BARD1: variants seen among roughly 807,000 people sequenced by gnomAD.
BARD1 encodes BRCA1 associated RING domain 1.
Under a neutral mutation model 77.0 loss-of-function variants are expected in BARD1, and 73 were observed. The ratio of observed to expected loss-of-function variants is 0.95; its 90% CI spans 0.79 to 1.15. The LOEUF is 1.15. Ranked by LOEUF, BARD1 falls within the 50% of genes most tolerant of loss-of-function variation. The pLI is 0.00. For synonymous variants in BARD1, 384 were observed against 338.0 expected, an observed-to-expected ratio of 1.14 and a Z score of -1.49; for missense variants, 993 against 938.8, an observed-to-expected ratio of 1.06 and a Z score of -0.75.
At position 214,732,215 on chromosome 2, in the gene BARD1, A is replaced by G. The variant is rs543510456; in HGVS notation, c.1904-1707T>C. ...AGTAAATTGATTCCAACACAGGAGCAGAACCACTACTCGGCATGTAAACTG... is the reference window on the plus strand; with the variant it reads ...AGTAAATTGATTCCAACACAGGAGCGGAACCACTACTCGGCATGTAAACTG... On this transcript the variant is annotated intron_variant, in intron 9 of 10. Coordinates refer to ENST00000260947, the MANE Select transcript of BARD1 (RefSeq NM_000465.4). 5.9e-5 allele frequency among the ~76,000 whole-genome samples: 9 copies of G among 152,364 alleles called. No individual in the cohort carries two copies. The South Asian group carries it at 1.5e-3, about 25-fold the overall frequency.
At position 214,745,062 on chromosome 2, in the gene BARD1, C is replaced by T. The variant is rs2106018600; in HGVS notation, c.1903+5G>A. The T allele has an allele frequency of 6.2e-7, 1 of 1,612,010 alleles. No homozygotes were observed. Among genetic ancestry groups the T allele is most frequent in the Admixed American group, 1.7e-5 (1 of 60,020 alleles). On this transcript the variant is annotated splice_donor_5th_base_variant and intron_variant, in intron 9 of 10. Coordinates refer to ENST00000260947, the MANE Select transcript of BARD1 (RefSeq NM_000465.4). ...TTTCTTAATTCTCTCAAATCCAACA[C>T]TTACATTCAAATTTTAGAATCCAGC...
At position 214,767,486 on chromosome 2, in the gene BARD1, C is replaced by A. The variant is rs730881419; in HGVS notation, c.1564G>T (p.Ala522Ser). 1.2e-6 allele frequency: 2 copies of A among 1,613,224 alleles called. No individual in the cohort carries two copies. Among genetic ancestry groups the A allele is most frequent in the Admixed American group, 1.7e-5 (1 of 60,014 alleles). ...TTTTTACGTTGAACTACTTACACAG[C>A]ATTTCTGGAGGCTCCATAGGAAAGT... is the stretch of plus-strand genomic sequence containing the variant. ...LLLSYGASRN[A>S]VNIFGLRPVD... Residue 522 changes from alanine (A) to serine (S), a missense_variant, in exon 6 of 11, where the codon GCT becomes TCT. By Grantham distance (99) the Ala-to-Ser change is moderately conservative. Transcript: ENST00000260947.
At chr2:214,747,777 A>G (rs954411795) in intron 7 of BARD1, among the ~76,000 whole-genome samples, 3 of 151,508 alleles carry the variant, frequency 2.0e-5, no homozygotes, top group African/African-American at 7.3e-5. Flanking sequence ...TAATGGGTGC[A>G]GCACACCAAC....
intron 2 of BARD1, among the ~76,000 whole-genome samples, chr2:214,793,222 T>C (rs1345965406): frequency 6.6e-6 from 1 of 152,124 alleles, no homozygotes; most frequent in Non-Finnish European, 1.5e-5. Context: ...CAGGACCCAA[T>C]CCTCTGTAGG....
intron 10 of BARD1, 188 bp downstream of exon 10, chr2:214,730,223 T>C: frequency 3.3e-6 from 2 of 610,144 alleles, no homozygotes; most frequent in Non-Finnish European, 5.8e-6. Context: ...ATTAACAGTA[T>C]GAAATTATTA....
rs1692114669 is a variant in BARD1, at chr2:214,727,070, G to C, written c.*1606C>G. 1 of 212,706 alleles carries C rather than the reference G, an allele frequency of 4.7e-6. No individual in the cohort carries two copies. 13.2% of individuals were successfully genotyped at this position (212,706 alleles called of 1,614,324 possible). A position where few individuals can be genotyped will look rare whatever the true frequency, so the allele number is the denominator to read the frequency against. ...ATCTAACGCCTCGGATTTTTGTTTG[G>C]TGCTATGGTGTTCATTTTCTATCAG... On this transcript the variant is annotated 3_prime_UTR_variant, in exon 11 of 11. Coordinates refer to ENST00000260947, the MANE Select transcript of BARD1 (RefSeq NM_000465.4).
rs747656993 is a variant in BARD1, at chr2:214,735,468, C to A, written c.1904-4960G>T. On this transcript the variant is annotated intron_variant, in intron 9 of 10. Transcript: ENST00000260947. ...ACTGTGAGTATTGATTTGGGGATTA[C>A]AAGAAAAATTTTAGCAAGTAAGAAA... Among the ~76,000 whole-genome samples the A allele has an allele frequency of 3.9e-5, 6 of 152,044 alleles. No individual in the cohort carries two copies. In the South Asian group the frequency reaches 8.3e-4, roughly 21 times the overall value.
At chr2:214,760,034 G>T (rs1354429142) in intron 6 of BARD1, among the ~76,000 whole-genome samples, 1 of 152,062 alleles carries the variant, frequency 6.6e-6, no homozygotes, top group African/African-American at 2.4e-5. Flanking sequence ...CACATTCAAT[G>T]TCTAACTTAT....
At chr2:214,730,283 T>C (rs1473459367) in intron 10 of BARD1, 128 bp downstream of exon 10, 1 of 788,640 alleles carries the variant, frequency 1.3e-6, no homozygotes, top group East Asian at 2.7e-5. Context: ...ATCAAGTGCT[T>C]GAAATAAGCA....
chr2:214,803,377 C>A (rs1696117562), intron 1 of BARD1, among the ~76,000 whole-genome samples: 1 of 152,184 alleles, frequency 6.6e-6, no homozygotes, highest in East Asian at 1.9e-4. Context: ...AGGAAGGCAT[C>A]TGTCTCCTGC....
chr2:214,757,563 A>G (rs1693751901), intron 6 of BARD1, among the ~76,000 whole-genome samples: 2 of 152,214 alleles, frequency 1.3e-5, no homozygotes, highest in Non-Finnish European at 2.9e-5. Context: ...TATATATTGC[A>G]TATATCAGAA....
intron 7 of BARD1, 100 bp from the exon 8 acceptor site, chr2:214,745,954 T>A: frequency 7.6e-7 from 1 of 1,320,042 alleles, no homozygotes. Context: ...TTTCATTACT[T>A]AGTTTACTCT....
chr2:214,799,234 C>A (rs1695901404), intron 1 of BARD1, among the ~76,000 whole-genome samples: 1 of 151,956 alleles, frequency 6.6e-6, no homozygotes, highest in African/African-American at 2.4e-5. Context: ...CCAGGAGGCA[C>A]AGGTTGAGGT....
At chr2:214,760,279 G>A (rs887457790) in intron 6 of BARD1, among the ~76,000 whole-genome samples, 18 of 152,072 alleles carry the variant, frequency 1.2e-4, no homozygotes, top group African/African-American at 3.6e-4. Context: ...TGCAACCTCC[G>A]CTTCCCAGGT....
At position 214,809,435 on chromosome 2, in the gene BARD1, C is replaced by G; in HGVS notation, c.135G>C (p.Glu45Asp). 6.2e-7 allele frequency: 1 copy of G among 1,612,334 alleles called. No homozygotes were observed. Among genetic ancestry groups the G allele is most frequent in the Non-Finnish European group, 8.5e-7 (1 of 1,179,800 alleles). Residue 45 changes from glutamate (E) to aspartate (D), a missense_variant, in exon 1 of 11, where the codon GAG becomes GAC. Coordinates refer to ENST00000260947, the MANE Select transcript of BARD1 (RefSeq NM_000465.4). ...ACCAACGCGAGCAGCGCAGCAGCTT[C>G]TCCAGGCGGTCGAGCGCGGCGCGAC... ...AHSRAALDRL[E>D]KLLRCSRCTN...
intron 6 of BARD1, among the ~76,000 whole-genome samples, chr2:214,765,322 C>G (rs892763408): frequency 3.3e-5 from 5 of 152,188 alleles, no homozygotes; most frequent in Non-Finnish European, 5.9e-5. Flanking sequence ...TCTCATGCCA[C>G]TCCTTGTATA....
chr2:214,793,687 G>C (rs1365321486), intron 2 of BARD1, among the ~76,000 whole-genome samples: 1 of 152,080 alleles, frequency 6.6e-6, no homozygotes, highest in Non-Finnish European at 1.5e-5. Context: ...ACTCAGATCA[G>C]ACTAGTATTT....
At chr2:214,742,930 T>C (rs1692913490) in intron 9 of BARD1, among the ~76,000 whole-genome samples, 1 of 152,200 alleles carries the variant, frequency 6.6e-6, no homozygotes, top group African/African-American at 2.4e-5. Flanking sequence ...GCATCCCTAA[T>C]CATGAAACCA....
At chr2:214,795,248 A>T (rs1695707188) in intron 2 of BARD1, among the ~76,000 whole-genome samples, 1 of 152,196 alleles carries the variant, frequency 6.6e-6, no homozygotes, top group African/African-American at 2.4e-5. Flanking sequence ...AGTAAGCCTC[A>T]CAGAAATCTG....
Sources: gnomAD v4.1 joint callset for allele counts (sites outside exome capture counted in the v4.1 genomes callset) on GRCh38, gnomAD v4.1.1 for gene constraint, MANE v1.5 for transcripts, NCBI Gene and HGNC (gene_info 2026-07-23, HGNC 2026-07-21) for gene names.